The following BTBD7 variants were observed in gnomAD, a reference collection of about 807,000 sequenced individuals.
BTBD7 encodes BTB/POZ domain-containing protein 7.
In BTBD7, 38 loss-of-function variants were observed where a neutral mutation model predicts 99.9. That is an observed-to-expected ratio of 0.38 (90% CI 0.29 to 0.50). The LOEUF (loss-of-function observed/expected upper bound fraction) is 0.50, where lower values mean the gene tolerates loss of function less well. Among genes scored for constraint, BTBD7 ranks in the 20% least tolerant of loss-of-function variants. BTBD7 has a pLI of 0.93. For synonymous variants in BTBD7, 520 were observed against 511.4 expected, an observed-to-expected ratio of 1.02 and a Z score of -0.23; for missense variants, 1,170 against 1,394.6, an observed-to-expected ratio of 0.84 and a Z score of 2.57.
chr14:93,300,768 GTGTGTATATA>G (rs1566857170), intron 1 of BTBD7, among the ~76,000 whole-genome samples: 3 of 34,412 alleles, frequency 8.7e-5, no homozygotes, highest in East Asian at 1.5e-3. Flanking sequence ...GTGTGTGTGT[GTGTGTATATA>G]TATATATATT....
chr14:93,287,924 G>A (rs571025990), intron 3 of BTBD7: 15 of 152,386 alleles, frequency 9.8e-5, no homozygotes, highest in African/African-American at 2.9e-4. Context: ...GTTTTTCGAG[G>A]TATGACTGAA....
chr14:93,269,845 T>C (rs888381412), intron 3 of BTBD7, among the ~76,000 whole-genome samples: 1 of 152,086 alleles, frequency 6.6e-6, no homozygotes, highest in African/African-American at 2.4e-5. Context: ...ACGTGAAAAG[T>C]ATGCTGTGAC....
intron 3 of BTBD7, among the ~76,000 whole-genome samples, chr14:93,264,587 G>C (rs10484033): frequency 1.3e-5 from 2 of 152,122 alleles, no homozygotes; most frequent in Non-Finnish European, 2.9e-5. Flanking sequence ...GGCATTTCAA[G>C]AACTCAAGGA....
chr14:93,294,318 A>G lies in BTBD7; in HGVS notation c.702T>C (p.Asp234=), dbSNP rs148027620. 1.2e-6 allele frequency: 2 copies of G among 1,614,210 alleles called. No homozygotes were observed. The highest frequency in any genetic ancestry group is 1.3e-5 in the African/African-American group (1 of 75,060). The change falls in exon 3 of 11, where the codon GAT becomes GAC. Residue 234 remains aspartate (D), a synonymous_variant. Coordinates refer to ENST00000334746, the MANE Select transcript of BTBD7 (RefSeq NM_001002860.4). ...AATCAAAGAGTCCACGCATATCTAC[A>G]TCAAGGGAATTTGGTGTTCCAAATT... ...SEEFGTPNSL[D]VDMRGLFDYM... is the part of the protein sequence containing the mutation.
At chr14:93,276,203 A>G (rs1427315462) in intron 3 of BTBD7, among the ~76,000 whole-genome samples, 1 of 152,234 alleles carries the variant, frequency 6.6e-6, no homozygotes, top group Non-Finnish European at 1.5e-5. Context: ...TGGGCAACAG[A>G]GCGAGACCTT....
chr14:93,242,541 G>A lies in BTBD7; in HGVS notation c.3131C>T (p.Pro1044Leu). ...GGCTGGACCGGTACTAGCATTTTCT[G>A]GGGCTGCCAAAGGAAAGTCTGACCG... ...PQRSDFPLAA[P>L]ENASTGPAHV... The change falls in exon 11 of 11, where the codon CCA becomes CTA. Residue 1044 changes from proline (P) to leucine (L), a missense_variant. Transcript: ENST00000334746. 1.2e-6 allele frequency: 2 copies of A among 1,614,228 alleles called. No homozygotes were observed. The highest frequency in any genetic ancestry group is 1.1e-5 in the South Asian group (1 of 91,080).
rs1279013473 is a variant in BTBD7 at position 93,253,566 on chromosome 14, T to C, written c.1752+81A>G. ...TGAAAATATAGGCTATTTCCAAATATTTAAGTAATACTACAGTGAACCACT... is the reference window on the plus strand; with the variant it reads ...TGAAAATATAGGCTATTTCCAAATACTTAAGTAATACTACAGTGAACCACT... On this transcript the variant is annotated intron_variant, in intron 7 of 10. Transcript: ENST00000334746. The C allele has an allele frequency of 2.3e-6, 3 of 1,288,448 alleles. No individual in the cohort carries two copies. The East Asian group carries it at 7.3e-5, about 31-fold the overall frequency. 79.8% of individuals were successfully genotyped at this position (1,288,448 alleles called of 1,614,324 possible).
chr14:93,302,717 T>C (rs1595330696), intron 1 of BTBD7, among the ~76,000 whole-genome samples: 1 of 152,136 alleles, frequency 6.6e-6, no homozygotes, highest in Non-Finnish European at 1.5e-5. Flanking sequence ...TGGTGGCATG[T>C]GACTGTAGTC....
At chr14:93,296,252 C>T in intron 1 of BTBD7, 95 bp from the exon 2 acceptor site, 7 of 826,616 alleles carry the variant, frequency 8.5e-6, no homozygotes, top group Non-Finnish European at 8.3e-6. Flanking sequence ...CTTTCATTCA[C>T]AAATAACAAC....
chr14:93,281,352 G>T (rs904594464), intron 3 of BTBD7, among the ~76,000 whole-genome samples: 1 of 151,498 alleles, frequency 6.6e-6, no homozygotes, highest in African/African-American at 2.4e-5. Context: ...GCCTAGGCAG[G>T]TCTCAAACTC....
chr14:93,275,034 C>T (rs552124547), intron 3 of BTBD7, among the ~76,000 whole-genome samples: 27 of 152,256 alleles, frequency 1.8e-4, no homozygotes, highest in African/African-American at 6.3e-4. Flanking sequence ...GCAATCTCAC[C>T]TCTATGTAGT....
chr14:93,269,101 T>G (rs1454454254), intron 3 of BTBD7, among the ~76,000 whole-genome samples: 1 of 152,126 alleles, frequency 6.6e-6, no homozygotes, highest in Admixed American at 6.6e-5. Flanking sequence ...TAGAACTTAT[T>G]TAGAACTACT....
intron 6 of BTBD7, among the ~76,000 whole-genome samples, chr14:93,255,218 T>C (rs1303758637): frequency 6.6e-6 from 1 of 152,222 alleles, no homozygotes; most frequent in African/African-American, 2.4e-5. Flanking sequence ...AGATCTTGGC[T>C]CACTGCAACC....
At chr14:93,295,054 G>C in intron 2 of BTBD7, 117 bp from the exon 3 acceptor site, 5 of 1,000,872 alleles carry the variant, frequency 5.0e-6, no homozygotes, top group Non-Finnish European at 6.9e-6. Flanking sequence ...ACTCAAAATT[G>C]CATTTGTTTT....
intron 1 of BTBD7, among the ~76,000 whole-genome samples, chr14:93,304,610 C>G (rs1023278121): frequency 2.0e-5 from 3 of 152,158 alleles, no homozygotes; most frequent in African/African-American, 7.2e-5. Context: ...CCTCGTCTTC[C>G]CAGAGTGTTG....
rs577589959 is a variant in BTBD7 at position 93,259,522 on chromosome 14, C to T, written c.1447+2080G>A. Among the ~76,000 whole-genome samples, 120 of 152,280 alleles carry T rather than the reference C, an allele frequency of 7.9e-4. 1 individual carries two copies. Among genetic ancestry groups the T allele is most frequent in the African/African-American group, 2.7e-3 (113 of 41,538 alleles). On this transcript the variant is annotated intron_variant, in intron 5 of 10. Coordinates refer to ENST00000334746, the MANE Select transcript of BTBD7 (RefSeq NM_001002860.4). ...TGGGAGACCAAGCTTTTTGCTACTC[C>T]GTGAATGACCATGAAAGTATCACCA...
chr14:93,295,866 T>A, intron 2 of BTBD7, 104 bp downstream of exon 2: 1 of 1,030,270 alleles, frequency 9.7e-7, no homozygotes, highest in Non-Finnish European at 1.4e-6. Flanking sequence ...GCAGAATTAT[T>A]ATAATAACTA....
In BTBD7 at chr14:93,246,269, A is replaced by G. The variant is rs1445986053; in HGVS notation, c.2139T>C (p.Phe713=). Residue 713 remains phenylalanine, a synonymous_variant, in exon 10 of 11, where the codon TTT becomes TTC. Coordinates refer to ENST00000334746, the MANE Select transcript of BTBD7 (RefSeq NM_001002860.4). ...TTTCATCCCCAAAACGTTCATCAGG[A>G]AAGAATTTGTGAGGATTCTAAAAAA... ...AELLQNPHKF[F]PDERFGDESP... 6.6e-7 allele frequency: 1 copy of G among 1,506,888 alleles called. No homozygotes were observed. The highest frequency in any genetic ancestry group is 8.9e-7 in the Non-Finnish European group (1 of 1,128,600). The allele number at this position is 1,506,888 out of a possible 1,614,324, so 93.3% of individuals were successfully genotyped here.
chr14:93,253,941 CA>C, intron 6 of BTBD7, 151 bp from the exon 7 acceptor site: 6 of 428,466 alleles, frequency 1.4e-5, no homozygotes, highest in Non-Finnish European at 1.5e-5. Flanking sequence ...AGAAATACCT[CA>C]AATTTTTTTT....
Sources: allele counts gnomAD v4.1 joint callset (sites outside exome capture counted in the v4.1 genomes callset), GRCh38; gene constraint gnomAD v4.1.1; transcripts MANE v1.5; gene names NCBI Gene and HGNC (gene_info 2026-07-23, HGNC 2026-07-21).